Variants in GSTCD observed in about 807,000 individuals in gnomAD.
GSTCD encodes glutathione S-transferase C-terminal domain-containing protein.
Under a neutral mutation model 68.3 loss-of-function variants are expected in GSTCD, and 44 were observed. The ratio of observed to expected loss-of-function variants is 0.64; its 90% confidence interval spans 0.51 to 0.83. The LOEUF (loss-of-function observed/expected upper bound fraction) is 0.83, where lower values mean the gene tolerates loss of function less well. Ranked by LOEUF, GSTCD falls within the 40% of genes least tolerant of loss-of-function variation. The pLI is 0.00. For missense variants in GSTCD, 739 were observed against 735.9 expected (o/e 1.00, Z -0.05); for synonymous variants, 273 against 255.2 (o/e 1.07, Z -0.67).
chr4:105,726,548 T>G, intron 3 of GSTCD, 31 bp from the exon 4 acceptor site: 24 of 1,406,266 alleles, frequency 1.7e-5, no homozygotes, highest in Non-Finnish European at 2.2e-5. Context: ...AAAATATATA[T>G]AATAATGTGT....
chr4:105,816,626 T>C (rs1723007973), intron 5 of GSTCD, among the ~76,000 whole-genome samples: 1 of 152,092 alleles, frequency 6.6e-6, no homozygotes, highest in African/African-American at 2.4e-5. Context: ...TTCCCTAAGA[T>C]ATAATTACTA....
chr4:105,750,527 C>T (rs1435895639), intron 5 of GSTCD, among the ~76,000 whole-genome samples: 1 of 150,672 alleles, frequency 6.6e-6, no homozygotes, highest in African/African-American at 2.4e-5. Context: ...GAAACTGGAT[C>T]ACACATACAT....
chr4:105,767,489 A>G (rs1213505879), intron 5 of GSTCD, among the ~76,000 whole-genome samples: 2 of 20,432 alleles, frequency 9.8e-5, no homozygotes, highest in Non-Finnish European at 1.8e-4. Flanking sequence ...CTGGTTTTCA[A>G]TGGTTTTATT....
chr4:105,792,362 G>T (rs1409985134), intron 5 of GSTCD, among the ~76,000 whole-genome samples: 1 of 151,916 alleles, frequency 6.6e-6, no homozygotes, highest in East Asian at 1.9e-4. Context: ...TTTTTATATG[G>T]TACATTGAAA....
intron 5 of GSTCD, among the ~76,000 whole-genome samples, chr4:105,768,974 A>C (rs1469058542): frequency 2.6e-5 from 4 of 151,968 alleles, no homozygotes; most frequent in Non-Finnish European, 5.9e-5. Flanking sequence ...ATTTTATAGA[A>C]TATAGAATAT....
intron 5 of GSTCD, among the ~76,000 whole-genome samples, chr4:105,765,852 C>A (rs1734584601): frequency 6.6e-6 from 1 of 152,142 alleles, no homozygotes; most frequent in Admixed American, 6.6e-5. Context: ...CTCCTGCCAC[C>A]ATGTGAAGAA....
At chr4:105,727,088 C>CTTTTTT (rs5860809) in intron 4 of GSTCD, among the ~76,000 whole-genome samples, 2 of 138,084 alleles carry the variant, frequency 1.4e-5, no homozygotes, top group African/African-American at 2.7e-5. Flanking sequence ...TTTCTCAAAA[C>CTTTTTT]TTTTTTTTTT....
chr4:105,819,565 G>T (rs899044166), intron 5 of GSTCD, among the ~76,000 whole-genome samples: 3 of 151,650 alleles, frequency 2.0e-5, no homozygotes, highest in African/African-American at 7.2e-5. Context: ...AGCAACTGTG[G>T]GGATAGAACC....
rs549318372 is a variant in GSTCD, at chr4:105,791,576, C to T, written c.1241-31378C>T. On this transcript the variant is annotated intron_variant, in intron 5 of 11. Transcript: ENST00000515279. ...TCCAGCATCGTAACTAAACTTTGTC[C>T]TTCCACATTCCTGTCATTATCAGGT... Among the ~76,000 whole-genome samples, 10 of 152,132 alleles carry T rather than the reference C, an allele frequency of 6.6e-5. No homozygotes were observed. In the South Asian group the frequency reaches 2.1e-3, roughly 32 times the overall value.
Position 105,825,695 on chromosome 4 carries a change from A to C in GSTCD, c.1425A>C (p.Glu475Asp). The change falls in exon 8 of 12, where the codon GAA (glutamate) becomes GAC (aspartate). Residue 475 changes from glutamate (E) to aspartate (D), a missense_variant. By Grantham distance (45) the Glu-to-Asp change is conservative. Coordinates refer to ENST00000515279, the MANE Select transcript of GSTCD (RefSeq NM_001370181.1). ...AGGTTACATTAATAGAAAACAAGGA[A>C]TTATCATTAATTCGTGCTAAGAAGA... is the stretch of plus-strand genomic sequence containing the variant. Reference protein sequence around the residue: ...SCQVTLIENKELSLIRAKKRS... With the variant: ...SCQVTLIENKDLSLIRAKKRS... 6.6e-7 allele frequency: 1 copy of C among 1,507,772 alleles called. No individual in the cohort carries two copies. The highest frequency in any genetic ancestry group is 1.7e-5 in the Admixed American group (1 of 59,434). 93.4% of individuals were successfully genotyped at this position (1,507,772 alleles called of 1,614,324 possible). A position where few individuals can be genotyped will look rare whatever the true frequency, so the allele number is the denominator to read the frequency against.
intron 1 of GSTCD, among the ~76,000 whole-genome samples, chr4:105,715,835 TC>T (rs1223289487): frequency 6.6e-6 from 1 of 152,060 alleles, no homozygotes; most frequent in Non-Finnish European, 1.5e-5. Flanking sequence ...ATGTCATGTT[TC>T]TGGTACGTAT....
chr4:105,725,845 T>A (rs1408371430), intron 3 of GSTCD, among the ~76,000 whole-genome samples: 1 of 152,066 alleles, frequency 6.6e-6, no homozygotes, highest in African/African-American at 2.4e-5. Context: ...CACTACTATA[T>A]ACCCACAAGA....
At chr4:105,830,666 G>A (rs186776105) in intron 8 of GSTCD, among the ~76,000 whole-genome samples, 2 of 152,226 alleles carry the variant, frequency 1.3e-5, no homozygotes, top group African/African-American at 2.4e-5. Context: ...CAGGAAAGAT[G>A]TCTCTAGGAA....
At chr4:105,832,821 G>T (rs971978351) in intron 8 of GSTCD, among the ~76,000 whole-genome samples, 12 of 152,130 alleles carry the variant, frequency 7.9e-5, no homozygotes, top group African/African-American at 2.9e-4. Flanking sequence ...TTTTTACTAT[G>T]AAATTTTCTC....
chr4:105,726,856 G>T, intron 4 of GSTCD, 26 bp downstream of exon 4: 1 of 1,555,414 alleles, frequency 6.4e-7, no homozygotes, highest in Non-Finnish European at 8.7e-7. Flanking sequence ...CATTTTCTTT[G>T]AAAAATTCTA....
intron 5 of GSTCD, among the ~76,000 whole-genome samples, chr4:105,746,780 T>A (rs1733819054): frequency 6.6e-6 from 1 of 152,240 alleles, no homozygotes. Context: ...TTCCCATTTA[T>A]TTTCTGTAAA....
intron 8 of GSTCD, 32 bp from the exon 9 acceptor site, chr4:105,834,429 A>G: frequency 6.2e-7 from 1 of 1,606,026 alleles, no homozygotes; most frequent in Non-Finnish European, 8.5e-7. Context: ...TTAAGAGGGA[A>G]CTTAGTGCTA....
chr4:105,812,248 A>G (rs1001438432), intron 5 of GSTCD, among the ~76,000 whole-genome samples: 1 of 152,220 alleles, frequency 6.6e-6, no homozygotes, highest in African/African-American at 2.4e-5. Context: ...AAATCTAGAA[A>G]GTATACCTTT....
chr4:105,802,515 T>C (rs984500602), intron 5 of GSTCD, among the ~76,000 whole-genome samples: 1 of 152,148 alleles, frequency 6.6e-6, no homozygotes, highest in Non-Finnish European at 1.5e-5. Context: ...CTTTGAAATA[T>C]AATTTATAAC....
Sources: allele counts gnomAD v4.1 joint callset (sites outside exome capture counted in the v4.1 genomes callset), GRCh38; gene constraint gnomAD v4.1.1; transcripts MANE v1.5; gene names NCBI Gene and HGNC (gene_info 2026-07-23, HGNC 2026-07-21).